Variants in ROBO1 observed in about 807,000 individuals in gnomAD.
ROBO1 encodes the protein roundabout guidance receptor 1.
ROBO1 carries 149 observed loss-of-function variants against 195.9 expected under a neutral mutation model. The ratio of observed to expected loss-of-function variants is 0.76; its 90% CI spans 0.67 to 0.87. The LOEUF (loss-of-function observed/expected upper bound fraction) is 0.87. Ranked by LOEUF, ROBO1 falls within the 40% of genes least tolerant of loss-of-function variation. The pLI is 0.00. For synonymous variants in ROBO1, 816 were observed against 733.2 expected (o/e 1.11, Z -1.82); for missense variants, 1,933 against 2,068.3 (o/e 0.93, Z 1.27).
intron 4 of ROBO1, among the ~76,000 whole-genome samples, chr3:78,753,816 T>C (rs2108320564): frequency 6.6e-6 from 1 of 152,336 alleles, no homozygotes; most frequent in African/African-American, 2.4e-5. Flanking sequence ...TTTTAAAATG[T>C]ATCACCAAAG....
chr3:78,820,947 C>G (rs541581684), intron 4 of ROBO1, among the ~76,000 whole-genome samples: 1 of 152,240 alleles, frequency 6.6e-6, no homozygotes, highest in Non-Finnish European at 1.5e-5. Context: ...TGTGATCTTT[C>G]TTGATTTAAA....
chr3:79,641,517 T>G (rs888525507), intron 1 of ROBO1, among the ~76,000 whole-genome samples: 4 of 151,782 alleles, frequency 2.6e-5, no homozygotes, highest in African/African-American at 9.7e-5. Context: ...CTGCACAATG[T>G]GCACATGTAC....
intron 2 of ROBO1, among the ~76,000 whole-genome samples, chr3:79,319,894 C>T (rs2033901515): frequency 6.6e-6 from 1 of 152,104 alleles, no homozygotes; most frequent in Non-Finnish European, 1.5e-5. Context: ...TCTCCATACA[C>T]TCTTTCTAAT....
At chr3:78,692,332 C>A (rs550505479) in intron 8 of ROBO1, among the ~76,000 whole-genome samples, 16 of 152,052 alleles carry the variant, frequency 1.1e-4, no homozygotes, top group Admixed American at 7.9e-4. Flanking sequence ...TGCAGTGGCA[C>A]AATCATGGCT....
intron 2 of ROBO1, among the ~76,000 whole-genome samples, chr3:79,539,376 A>T (rs1183227826): frequency 6.6e-6 from 1 of 152,140 alleles, no homozygotes; most frequent in Admixed American, 6.6e-5. Context: ...CACACACGTA[A>T]GTTGTTTTAC....
chr3:79,615,568 A>G (rs9818953), intron 1 of ROBO1, among the ~76,000 whole-genome samples: 41,236 of 152,004 alleles, frequency 0.27, 6,611 homozygotes, highest in African/African-American at 0.45. Flanking sequence ...CAGCACTCAA[A>G]CCTAAGCTAA....
In ROBO1 at chr3:79,550,191, GAAAGGAAAAGAAAA is replaced by G. The variant is rs1254176735; in HGVS notation, c.88+39619_88+39632del. 4.0e-3 allele frequency among the ~76,000 whole-genome samples: 351 copies of G among 86,884 alleles called. 1 individual carries two copies. The highest frequency in any genetic ancestry group is 7.0e-3 in the African/African-American group (163 of 23,146). 57.0% of individuals were successfully genotyped at this position (86,884 alleles called of 152,430 possible). A position where few individuals can be genotyped will look rare whatever the true frequency, so the allele number is the denominator to read the frequency against. On this transcript the variant is annotated intron_variant, in intron 2 of 30. Transcript: ENST00000464233. ...AGGAAGAAAGAAAGAAAGAAAGAAAGAAAGGAAAAGAAAAGAAAAGAAAAGAAAAGAAAAGAAAA... is the reference window on the plus strand; with the variant it reads ...AGGAAGAAAGAAAGAAAGAAAGAAAGGAAAAGAAAAGAAAAGAAAAGAAAA...
intron 3 of ROBO1, among the ~76,000 whole-genome samples, chr3:79,105,079 A>T (rs1010343352): frequency 1.3e-5 from 2 of 151,842 alleles, no homozygotes; most frequent in Non-Finnish European, 2.9e-5. Context: ...ATACAAAAAA[A>T]TCTAGGAGAC....
chr3:79,179,547 T>C (rs2081307460), intron 2 of ROBO1, among the ~76,000 whole-genome samples: 1 of 152,224 alleles, frequency 6.6e-6, no homozygotes, highest in Non-Finnish European at 1.5e-5. Flanking sequence ...TTTTAGACTT[T>C]CTTAAAACAT....
At chr3:78,746,958 T>G in intron 4 of ROBO1, 58 bp from the exon 5 acceptor site, 6 of 1,179,276 alleles carry the variant, frequency 5.1e-6, no homozygotes, top group Non-Finnish European at 5.6e-6. Flanking sequence ...TCCTAATCTC[T>G]GAACTTCAGC....
chr3:79,690,677 A>G (rs1323883886), intron 1 of ROBO1, among the ~76,000 whole-genome samples: 1 of 152,000 alleles, frequency 6.6e-6, no homozygotes, highest in Non-Finnish European at 1.5e-5. Context: ...TTATCCTGTA[A>G]TCCCACATTT....
rs567639072 is a variant in ROBO1, at chr3:78,602,528, T to G, written c.4745-2219A>C. 2.0e-5 allele frequency among the ~76,000 whole-genome samples: 3 copies of G among 152,316 alleles called. No individual in the cohort carries two copies. The East Asian group carries it at 5.8e-4, about 29-fold the overall frequency. On this transcript the variant is annotated intron_variant, in intron 29 of 30. Coordinates refer to ENST00000464233, the MANE Select transcript of ROBO1 (RefSeq NM_002941.4). ...GGCTTAATACTACATATATATTATTTCTTCTACTGACCCTAGGTGATTTTA... is the reference window on the plus strand; with the variant it reads ...GGCTTAATACTACATATATATTATTGCTTCTACTGACCCTAGGTGATTTTA...
At chr3:78,761,086 G>A (rs897984617) in intron 4 of ROBO1, among the ~76,000 whole-genome samples, 9 of 151,960 alleles carry the variant, frequency 5.9e-5, no homozygotes, top group Non-Finnish European at 1.0e-4. Flanking sequence ...AATCAAAAAG[G>A]CAGAAACTCA....
chr3:79,361,460 T>C (rs926642326), intron 2 of ROBO1, among the ~76,000 whole-genome samples: 2 of 152,016 alleles, frequency 1.3e-5, no homozygotes, highest in African/African-American at 4.8e-5. Flanking sequence ...CAGAGCCCAT[T>C]AAACAACTTA....
rs190897566 is a variant in ROBO1 at position 79,473,914 on chromosome 3, G to C, written c.88+115910C>G. Among the ~76,000 whole-genome samples the C allele has an allele frequency of 2.3e-3, 354 of 152,180 alleles. 4 individuals carry two copies. The highest frequency in any genetic ancestry group is 1.2e-3 in the Non-Finnish European group (84 of 67,998). ...GAATACCAACTTCCTATTAGCCAGA[G>C]AGCAAAAAATTATGTCTAAGAAATA... On this transcript the variant is annotated intron_variant, in intron 2 of 30. Coordinates refer to ENST00000464233, the MANE Select transcript of ROBO1 (RefSeq NM_002941.4).
chr3:79,533,973 T>C (rs1276389758), intron 2 of ROBO1, among the ~76,000 whole-genome samples: 1 of 151,906 alleles, frequency 6.6e-6, no homozygotes, highest in Non-Finnish European at 1.5e-5. Flanking sequence ...TATAGGGAAA[T>C]TGTCCTGGAT....
At chr3:78,713,181 T>C (rs1404414227) in intron 8 of ROBO1, among the ~76,000 whole-genome samples, 1 of 152,218 alleles carries the variant, frequency 6.6e-6, no homozygotes, top group Non-Finnish European at 1.5e-5. Context: ...TCTTGATCTT[T>C]CTTTTTTTCC....
At chr3:79,182,599 G>A (rs2081360531) in intron 2 of ROBO1, among the ~76,000 whole-genome samples, 1 of 151,872 alleles carries the variant, frequency 6.6e-6, no homozygotes, top group African/African-American at 2.4e-5. Context: ...ACTGGAGTGG[G>A]GATGGGTAGG....
At chr3:79,366,583 T>C (rs1008386000) in intron 2 of ROBO1, among the ~76,000 whole-genome samples, 1 of 152,132 alleles carries the variant, frequency 6.6e-6, no homozygotes, top group Non-Finnish European at 1.5e-5. Context: ...TCATCGCCTC[T>C]CTTTTCTTGG....
Sources: gnomAD v4.1 joint callset for allele counts (sites outside exome capture counted in the v4.1 genomes callset) on GRCh38, gnomAD v4.1.1 for gene constraint, MANE v1.5 for transcripts, NCBI Gene and HGNC (gene_info 2026-07-23, HGNC 2026-07-21) for gene names.